GALNT18: variants seen among roughly 807,000 people sequenced by gnomAD.
GALNT18 encodes the protein polypeptide N-acetylgalactosaminyltransferase 18.
GALNT18 carries 44 observed loss-of-function variants against 69.5 expected under a neutral mutation model. The observed-to-expected ratio is 0.63, with a 90% CI of 0.50 to 0.81. The LOEUF is 0.81. Ranked by LOEUF, GALNT18 falls within the 40% of genes least tolerant of loss-of-function variation. The probability of loss-of-function intolerance (pLI) is 0.00; values close to 1 mark genes in which losing one functional copy is unlikely to be tolerated. For synonymous variants in GALNT18, 364 were observed against 318.2 expected (o/e 1.14, Z -1.53); for missense variants, 715 against 810.0 (o/e 0.88, Z 1.42).
intron 9 of GALNT18, 30 bp from the exon 10 acceptor site, chr11:11,293,223 A>C (rs752665485): frequency 7.6e-7 from 1 of 1,314,328 alleles, no homozygotes; most frequent in Non-Finnish European, 9.8e-7. Flanking sequence ...GAGAGTGTGG[A>C]TAAATGCCAA....
chr11:11,276,317 G>A (rs1274769270), intron 10 of GALNT18, among the ~76,000 whole-genome samples: 1 of 148,144 alleles, frequency 6.8e-6, no homozygotes, highest in Non-Finnish European at 1.5e-5. Context: ...GTTCACTCAT[G>A]ATTTGGCTGT....
intron 3 of GALNT18, among the ~76,000 whole-genome samples, chr11:11,425,255 C>T (rs1299159151): frequency 2.0e-5 from 3 of 152,116 alleles, no homozygotes; most frequent in Admixed American, 6.5e-5. Context: ...GCATGAAGAC[C>T]GGGTCCGTGA....
At chr11:11,319,488 C>T (rs1455776416) in intron 9 of GALNT18, among the ~76,000 whole-genome samples, 3 of 152,186 alleles carry the variant, frequency 2.0e-5, no homozygotes, top group African/African-American at 4.8e-5. Context: ...GCAATTTGGA[C>T]ACAGACACAC....
At chr11:11,336,656 A>G (rs981700694) in intron 7 of GALNT18, among the ~76,000 whole-genome samples, 8 of 152,212 alleles carry the variant, frequency 5.3e-5, no homozygotes, top group South Asian at 2.1e-4. Context: ...GGGCATAGCT[A>G]TCTCAGAGGC....
chr11:11,525,559 A>C (rs1409312067), intron 1 of GALNT18, among the ~76,000 whole-genome samples: 1 of 151,874 alleles, frequency 6.6e-6, no homozygotes, highest in Non-Finnish European at 1.5e-5. Context: ...GAATGGAGTC[A>C]GTTGTGGATA....
chr11:11,551,040 T>G (rs367964634), intron 1 of GALNT18, among the ~76,000 whole-genome samples: 124 of 143,544 alleles, frequency 8.6e-4, no homozygotes, highest in Middle Eastern at 3.8e-3. Flanking sequence ...CACATTTCAG[T>G]GGGTGATCCA....
intron 1 of GALNT18, among the ~76,000 whole-genome samples, chr11:11,491,793 C>T (rs575395252): frequency 6.6e-6 from 1 of 152,306 alleles, no homozygotes; most frequent in Non-Finnish European, 1.5e-5. Flanking sequence ...GCACAGTCTA[C>T]ACCACACCAC....
intron 10 of GALNT18, among the ~76,000 whole-genome samples, chr11:11,280,281 C>T (rs971795609): frequency 6.6e-6 from 1 of 152,124 alleles, no homozygotes; most frequent in Non-Finnish European, 1.5e-5. Flanking sequence ...TGAAAGGGGC[C>T]CTTGGACAAG....
chr11:11,294,716 C>G (rs61872383), intron 9 of GALNT18, among the ~76,000 whole-genome samples: 1 of 152,096 alleles, frequency 6.6e-6, no homozygotes, highest in Non-Finnish European at 1.5e-5. Context: ...TAGGGGAAAG[C>G]CACGTGACTC....
Position 11,538,935 on chromosome 11 carries a change from T to G in GALNT18, c.235+82424A>C, listed in dbSNP as rs1374133669. ...TCAACAGAGGTGCCCCCCAGATCCC[T>G]GGGTGCCGTGGGCCTCCCTTTTCAC... is the stretch of plus-strand genomic sequence containing the variant. On this transcript the variant is annotated intron_variant, in intron 1 of 10. Transcript: ENST00000227756. The surrounding 1 kb of genome is among the most constrained non-coding windows in gnomAD (Gnocchi z 5.2). Among the ~76,000 whole-genome samples, 1 of 152,210 alleles carries G rather than the reference T, an allele frequency of 6.6e-6. No homozygotes were observed. Among genetic ancestry groups the G allele is most frequent in the Non-Finnish European group, 1.5e-5 (1 of 68,038 alleles).
At chr11:11,296,882 G>A (rs1315906122) in intron 9 of GALNT18, among the ~76,000 whole-genome samples, 1 of 152,164 alleles carries the variant, frequency 6.6e-6, no homozygotes, top group African/African-American at 2.4e-5. Context: ...CATCTCAGAA[G>A]CCCAGCCTAG....
At chr11:11,478,527 G>A (rs4910357) in intron 1 of GALNT18, among the ~76,000 whole-genome samples, 1,703 of 152,286 alleles carry the variant, frequency 0.011, 39 homozygotes, top group African/African-American at 0.039. Context: ...GCAGGCCTGA[G>A]CAAACAGCCC....
At chr11:11,510,598 C>G (rs72865498) in intron 1 of GALNT18, among the ~76,000 whole-genome samples, 10,307 of 152,278 alleles carry the variant, frequency 0.068, 379 homozygotes, top group South Asian at 0.083. Context: ...TAGCTGCCTT[C>G]CAGAGATGCA....
At chr11:11,312,218 G>C (rs934199120) in intron 9 of GALNT18, among the ~76,000 whole-genome samples, 3 of 152,112 alleles carry the variant, frequency 2.0e-5, no homozygotes, top group African/African-American at 7.2e-5. Context: ...CAAAGTGCTG[G>C]GATTACAGTC....
At chr11:11,531,354 A>C (rs6484973) in intron 1 of GALNT18, among the ~76,000 whole-genome samples, 149,021 of 152,292 alleles carry the variant, frequency 0.98, 72,968 homozygotes, top group Non-Finnish European at 1. Context: ...CTGTACCACC[A>C]CTGCCTGTTC....
At chr11:11,284,943 G>A (rs76598555) in intron 10 of GALNT18, among the ~76,000 whole-genome samples, 9 of 86,104 alleles carry the variant, frequency 1.0e-4, no homozygotes, top group Non-Finnish European at 1.8e-4. Context: ...CTACTTGGGC[G>A]TTCTCTTTCT....
chr11:11,316,793 G>A (rs942790755), intron 9 of GALNT18, among the ~76,000 whole-genome samples: 5 of 152,232 alleles, frequency 3.3e-5, no homozygotes, highest in Non-Finnish European at 5.9e-5. Flanking sequence ...AGTGGGAAAG[G>A]AGTGTGGAGC....
In GALNT18 at chr11:11,435,173, C is replaced by A. The variant is rs7109680; in HGVS notation, c.429-2386G>T. ...TTCTGTATCTCTCTGCACTTCCCCA[C>A]GGGGTCTGCACTGCGTTCCCAGAGC... On this transcript the variant is annotated intron_variant, in intron 2 of 10. Transcript: ENST00000227756. The surrounding 1 kb of genome is among the most constrained non-coding windows in gnomAD (Gnocchi z 4.4). Among the ~76,000 whole-genome samples the A allele has an allele frequency of 6.6e-6, 1 of 152,212 alleles. No individual in the cohort carries two copies. Among genetic ancestry groups the A allele is most frequent in the African/African-American group, 2.4e-5 (1 of 41,492 alleles).
chr11:11,437,608 C>A (rs1019555297), intron 2 of GALNT18, among the ~76,000 whole-genome samples: 12 of 152,108 alleles, frequency 7.9e-5, no homozygotes, highest in Non-Finnish European at 2.9e-5. Context: ...TCTCGGCCAC[C>A]AGATAAGACC....
Sources: allele counts gnomAD v4.1 joint callset (sites outside exome capture counted in the v4.1 genomes callset), GRCh38; gene constraint gnomAD v4.1.1; non-coding constraint Gnocchi (gnomAD v3.1); transcripts MANE v1.5; gene names NCBI Gene and HGNC (gene_info 2026-07-23, HGNC 2026-07-21).